The following TAB1 variants were observed in gnomAD, a reference collection of about 807,000 sequenced individuals.
TAB1 encodes TGF-beta activated kinase 1 (MAP3K7) binding protein 1.
Under a neutral mutation model 54.5 loss-of-function variants are expected in TAB1, and 30 were observed. That is an observed-to-expected ratio of 0.55 (90% confidence interval 0.41 to 0.75). TAB1 has a LOEUF of 0.75. Among genes scored for constraint, TAB1 ranks in the 30% least tolerant of loss-of-function variants. The probability of loss-of-function intolerance (pLI) is 0.00; values close to 1 mark genes in which losing one functional copy is unlikely to be tolerated. For missense variants in TAB1, 609 were observed against 683.2 expected (o/e 0.89, Z 1.21); for synonymous variants, 289 against 286.9 (o/e 1.01, Z -0.07).
In TAB1 at chr22:39,430,129, G is replaced by T. The variant is rs754703571; in HGVS notation, c.1422G>T (p.Glu474Asp). The T allele has an allele frequency of 1.2e-6, 2 of 1,614,078 alleles. No homozygotes were observed. Among genetic ancestry groups the T allele is most frequent in the Admixed American group, 3.3e-5 (2 of 60,038 alleles). ...SRPAHSLPPG[E>D]DGRVEPYVDF... ...CCGCCCACTCGCTCCCGCCTGGCGA[G>T]GACGGTCGTGTTGAGCCCTATGTGG... The change falls in exon 11 of 11, where the codon GAG becomes GAT. Residue 474 changes from glutamate (E) to aspartate (D), a missense_variant. By Grantham distance (45) the Glu-to-Asp change is conservative (BLOSUM62 2). Coordinates refer to ENST00000216160, the MANE Select transcript of TAB1 (RefSeq NM_006116.3).
intron 1 of TAB1, among the ~76,000 whole-genome samples, chr22:39,407,090 G>C (rs550486551): frequency 5.9e-5 from 9 of 152,320 alleles, no homozygotes; most frequent in African/African-American, 2.2e-4. Flanking sequence ...GATGTAATTC[G>C]ACTGATATAA....
intron 10 of TAB1, chr22:39,429,451 AT>A (rs1927491891): frequency 1.1e-5 from 8 of 756,592 alleles, no homozygotes; most frequent in South Asian, 6.0e-5. Context: ...ACTTGTGGCT[AT>A]TAGACGCTTG....
At position 39,428,037 on chromosome 22, in the gene TAB1, G is replaced by A. The variant is rs1927425924; in HGVS notation, c.1161G>A (p.Val387=). ...CTCCCAAAGCTGCAGGAGGACGAGT[G>A]TACCCTGTGTCTGTGCCATACTCCA... ...PSPAPAAGGR[V]YPVSVPYSSA... is the part of the protein sequence containing the mutation. The change falls in exon 10 of 11, where the codon GTG becomes GTA. Residue 387 remains valine (V), a synonymous_variant. Coordinates refer to ENST00000216160, the MANE Select transcript of TAB1 (RefSeq NM_006116.3). The A allele has an allele frequency of 1.2e-6, 2 of 1,607,158 alleles. No individual in the cohort carries two copies. Among genetic ancestry groups the A allele is most frequent in the Non-Finnish European group, 8.5e-7 (1 of 1,174,842 alleles).
rs370788651 is a variant in TAB1 at position 39,415,496 on chromosome 22, C to G, written c.171-4C>G. On this transcript the variant is annotated splice_polypyrimidine_tract_variant and splice_region_variant and intron_variant, in intron 2 of 10. Coordinates refer to ENST00000216160, the MANE Select transcript of TAB1 (RefSeq NM_006116.3). This position sits in a 1 kb window ranked among gnomAD's most constrained non-coding sequence, Gnocchi z 4.9. Reference sequence around the variant, plus strand: ...GGCCTCCCTCTGCCCTCTCCCTCTTCCAGGAGTGAGAACAACTGCTTCCTG... The same window carrying G: ...GGCCTCCCTCTGCCCTCTCCCTCTTGCAGGAGTGAGAACAACTGCTTCCTG... The G allele has an allele frequency of 3.8e-5, 61 of 1,613,294 alleles. No individual in the cohort carries two copies. The highest frequency in any genetic ancestry group is 3.5e-4 in the South Asian group (32 of 91,070).
At chr22:39,432,197 C>T (rs1199069821), downstream of TAB1, among the ~76,000 whole-genome samples, 1 of 152,232 alleles carries the variant, frequency 6.6e-6, no homozygotes, top group Non-Finnish European at 1.5e-5. Flanking sequence ...GTGGTGCCAA[C>T]TCCACTCTGC....
intron 1 of TAB1, among the ~76,000 whole-genome samples, chr22:39,413,727 T>G (rs1324234227): frequency 1.3e-5 from 2 of 152,214 alleles, no homozygotes; most frequent in African/African-American, 4.8e-5. Flanking sequence ...ACCCAGCCAA[T>G]ACAAATTTTA....
At chr22:39,436,314 G>C (rs1927782274), downstream of TAB1, among the ~76,000 whole-genome samples, 1 of 152,046 alleles carries the variant, frequency 6.6e-6, no homozygotes. Context: ...AAAAAAAAAG[G>C]AGTTCTAACT....
chr22:39,416,945 T>C, intron 4 of TAB1, 68 bp downstream of exon 4: 1 of 1,484,590 alleles, frequency 6.7e-7, no homozygotes, highest in Non-Finnish European at 9.4e-7. Context: ...CATGGACTCA[T>C]CTACTTTCTT....
At chr22:39,403,673 C>G (rs532398683) in intron 1 of TAB1, among the ~76,000 whole-genome samples, 2 of 143,594 alleles carry the variant, frequency 1.4e-5, no homozygotes, top group African/African-American at 2.6e-5. Flanking sequence ...GAGTCTCGCT[C>G]TGTTGCCCAG....
Position 39,430,584 on chromosome 22 carries a change from T to TG in TAB1, c.*363dup. ...GAGGCGCCCTGTGAACCCTGAGTGTTGCAGGCCCAGCAGACCCTGCTGTCC... is the reference window on the plus strand; with the variant it reads ...GAGGCGCCCTGTGAACCCTGAGTGTTGGCAGGCCCAGCAGACCCTGCTGTCC... On this transcript the variant is annotated 3_prime_UTR_variant, in exon 11 of 11. Coordinates refer to ENST00000216160, the MANE Select transcript of TAB1 (RefSeq NM_006116.3). 8.7e-7 allele frequency: 1 copy of TG among 1,149,788 alleles called. No homozygotes were observed. The highest frequency in any genetic ancestry group is 1.1e-6 in the Non-Finnish European group (1 of 923,420). 71.2% of individuals were successfully genotyped at this position (1,149,788 alleles called of 1,614,324 possible).
chr22:39,408,170 A>G (rs1349892003), intron 1 of TAB1, among the ~76,000 whole-genome samples: 1 of 152,256 alleles, frequency 6.6e-6, no homozygotes, highest in Non-Finnish European at 1.5e-5. Flanking sequence ...TATGAAAATC[A>G]GATTTCCTAA....
At chr22:39,436,434 A>G, downstream of TAB1, 1 of 1,453,082 alleles carries the variant, frequency 6.9e-7, no homozygotes, top group South Asian at 1.1e-5. Context: ...ACAGGAGCAA[A>G]GATTTAAACT....
chr22:39,419,786 CAA>C (rs201644827), intron 7 of TAB1, among the ~76,000 whole-genome samples, 156 bp downstream of exon 7: 9 of 136,122 alleles, frequency 6.6e-5, no homozygotes, highest in Non-Finnish European at 6.4e-5. Flanking sequence ...GACCCTGTCT[CAA>C]AAAAAAAAAA....
intron 5 of TAB1, among the ~76,000 whole-genome samples, chr22:39,418,288 C>T (rs556736397): frequency 1.3e-4 from 20 of 152,234 alleles, no homozygotes; most frequent in Non-Finnish European, 2.6e-4. Context: ...TCTGATGATG[C>T]TGCCTTTTTT....
chr22:39,427,899 T>G lies in TAB1; in HGVS notation c.1145-122T>G. 3.1e-6 allele frequency: 3 copies of G among 982,610 alleles called. No homozygotes were observed. In the South Asian group the frequency reaches 5.9e-5, roughly 19 times the overall value. The allele number at this position is 982,610 out of a possible 1,614,324, so 60.9% of individuals were successfully genotyped here. On this transcript the variant is annotated intron_variant, in intron 9 of 10. Coordinates refer to ENST00000216160, the MANE Select transcript of TAB1 (RefSeq NM_006116.3). ...CCCACTGGGCTTGGGGAGCCAGGCA[T>G]GGCCGCCACCCACACTCAGCCCTCA...
chr22:39,418,619 C>G, intron 5 of TAB1, 113 bp from the exon 6 acceptor site: 1 of 774,800 alleles, frequency 1.3e-6, no homozygotes, highest in Non-Finnish European at 2.2e-6. Context: ...CTGTTTTGCC[C>G]ATTTCAGGTA....
intron 7 of TAB1, among the ~76,000 whole-genome samples, chr22:39,420,874 GTCTC>G (rs200204027): frequency 1.2e-4 from 13 of 108,680 alleles, no homozygotes; most frequent in African/African-American, 5.7e-4. Flanking sequence ...GTGCTGGGGT[GTCTC>G]TCTCTGTGTG....
At chr22:39,410,311 T>C (rs1926553384) in intron 1 of TAB1, among the ~76,000 whole-genome samples, 1 of 152,156 alleles carries the variant, frequency 6.6e-6, no homozygotes, top group Non-Finnish European at 1.5e-5. Context: ...TTTTGCCACA[T>C]TGCCCAGGCT....
In TAB1 at chr22:39,426,648, T is replaced by C. The variant is rs114124186; in HGVS notation, c.922-55T>C. ...TTTTAGGCTCCAAGATTATGGCCCA[T>C]GCCCCCCAGGCCGCACCTCGTTCCT... On this transcript the variant is annotated intron_variant, in intron 8 of 10. Coordinates refer to ENST00000216160, the MANE Select transcript of TAB1 (RefSeq NM_006116.3). The C allele has an allele frequency of 8.0e-4, 1,186 of 1,481,636 alleles. 6 individuals are homozygous for C. The African/African-American group carries it at 0.012, about 15-fold the overall frequency. The allele number at this position is 1,481,636 out of a possible 1,614,324, so 91.8% of individuals were successfully genotyped here.
Sources: gnomAD v4.1 joint callset for allele counts (sites outside exome capture counted in the v4.1 genomes callset) on GRCh38, gnomAD v4.1.1 for gene constraint, Gnocchi (gnomAD v3.1) non-coding constraint, MANE v1.5 for transcripts, NCBI Gene and HGNC (gene_info 2026-07-23, HGNC 2026-07-21) for gene names.